Variants in CDYL2 observed in about 807,000 individuals in gnomAD.
CDYL2 encodes the protein chromodomain Y-like protein 2.
In CDYL2, 23 loss-of-function variants were observed where a neutral mutation model predicts 49.4. The observed-to-expected ratio is 0.47, with a 90% confidence interval of 0.34 to 0.66. The LOEUF (loss-of-function observed/expected upper bound fraction) is 0.66, where lower values mean the gene tolerates loss of function less well. CDYL2 is among the 30% of genes least tolerant of loss of function. The pLI is 0.01. For synonymous variants in CDYL2, 360 were observed against 268.8 expected (o/e 1.34, Z -3.32); for missense variants, 678 against 656.4 (o/e 1.03, Z -0.36).
At chr16:80,702,742 C>T (rs532815681) in intron 1 of CDYL2, among the ~76,000 whole-genome samples, 1 of 152,198 alleles carries the variant, frequency 6.6e-6, no homozygotes, top group South Asian at 2.1e-4. Context: ...AGAGTAAGAC[C>T]CTGTGGACAG....
intron 1 of CDYL2, among the ~76,000 whole-genome samples, chr16:80,718,143 TAA>T (rs1165745886): frequency 3.3e-5 from 5 of 152,204 alleles, no homozygotes; most frequent in Non-Finnish European, 7.3e-5. Flanking sequence ...GAACAAAACC[TAA>T]GACTGTCTCC....
At chr16:80,642,728 C>A (rs975844452) in intron 2 of CDYL2, among the ~76,000 whole-genome samples, 2 of 152,008 alleles carry the variant, frequency 1.3e-5, no homozygotes, top group African/African-American at 4.8e-5. Context: ...AAGTGGAAAC[C>A]CTTGATAAAA....
At chr16:80,698,507 T>G (rs938598655) in intron 1 of CDYL2, among the ~76,000 whole-genome samples, 3 of 152,250 alleles carry the variant, frequency 2.0e-5, no homozygotes, top group Admixed American at 2.0e-4. Context: ...GTGATACGGT[T>G]TGGATCTGTG....
chr16:80,754,392 C>T (rs1906238389), intron 1 of CDYL2, among the ~76,000 whole-genome samples: 1 of 152,184 alleles, frequency 6.6e-6, no homozygotes, highest in South Asian at 2.1e-4. Context: ...AAGCCACAAG[C>T]AAAGGCCACC....
chr16:80,743,359 A>G (rs930390465), intron 1 of CDYL2, among the ~76,000 whole-genome samples: 12 of 152,348 alleles, frequency 7.9e-5, no homozygotes, highest in African/African-American at 2.9e-4. Context: ...AATAGAGAGA[A>G]TTCAAAAGAA....
chr16:80,609,525 G>A (rs1027367656), intron 5 of CDYL2, among the ~76,000 whole-genome samples: 2 of 152,206 alleles, frequency 1.3e-5, no homozygotes, highest in African/African-American at 4.8e-5. Context: ...CTTGGTTCAA[G>A]ATTTGAACAC....
intron 1 of CDYL2, among the ~76,000 whole-genome samples, chr16:80,795,720 T>C (rs977159240): frequency 6.6e-6 from 1 of 152,078 alleles, no homozygotes; most frequent in South Asian, 2.1e-4. Context: ...ATGCCTGCCA[T>C]CCTGAGCACT....
intron 1 of CDYL2, among the ~76,000 whole-genome samples, chr16:80,727,742 C>T (rs995245575): frequency 2.6e-5 from 4 of 152,170 alleles, no homozygotes; most frequent in Non-Finnish European, 5.9e-5. Context: ...CAGCACGCAG[C>T]GGGAGATCTG....
At chr16:80,757,551 A>ATATATAT (rs201231531) in intron 1 of CDYL2, among the ~76,000 whole-genome samples, 12 of 145,462 alleles carry the variant, frequency 8.2e-5, no homozygotes, top group African/African-American at 3.2e-4. Flanking sequence ...AAAAAAAAAA[A>ATATATAT]AAATATATAT....
intron 1 of CDYL2, among the ~76,000 whole-genome samples, chr16:80,721,442 T>C (rs1904995242): frequency 6.6e-6 from 1 of 152,076 alleles, no homozygotes; most frequent in Non-Finnish European, 1.5e-5. Context: ...GGCAGCAAAA[T>C]AGTATCAGAT....
chr16:80,599,442 T>G lies in CDYL2; in HGVS notation c.*4946A>C, dbSNP rs766448576. 1 of 152,228 alleles carries G rather than the reference T, an allele frequency of 6.6e-6. No individual in the cohort carries two copies. The highest frequency in any genetic ancestry group is 1.5e-5 in the Non-Finnish European group (1 of 68,032). The allele number at this position is 152,228 out of a possible 1,614,324, so 9.4% of individuals were successfully genotyped here. A position where few individuals can be genotyped will look rare whatever the true frequency, so the allele number is the denominator to read the frequency against. ...TACACTGTCAAGGAGCTCCATGATT[T>G]ATGTTCTAGAAAAACAGTCCTGGAT... On this transcript the variant is annotated 3_prime_UTR_variant, in exon 7 of 7. Coordinates refer to ENST00000570137, the MANE Select transcript of CDYL2 (RefSeq NM_152342.4).
chr16:80,635,972 C>T (rs1454697446), intron 2 of CDYL2, among the ~76,000 whole-genome samples: 4 of 152,128 alleles, frequency 2.6e-5, no homozygotes, highest in East Asian at 1.9e-4. Context: ...GAAAGGATTC[C>T]CTATTTAATA....
chr16:80,682,469 A>T (rs1343694304), intron 2 of CDYL2, among the ~76,000 whole-genome samples: 1 of 152,210 alleles, frequency 6.6e-6, no homozygotes, highest in Non-Finnish European at 1.5e-5. Flanking sequence ...TGAAGAGCAC[A>T]GAGCTCGCAG....
intron 1 of CDYL2, among the ~76,000 whole-genome samples, chr16:80,772,224 A>G (rs1286579852): frequency 2.0e-5 from 3 of 152,226 alleles, no homozygotes; most frequent in African/African-American, 4.8e-5. Flanking sequence ...GTAATAAAAA[A>G]GAGTGTTTTT....
chr16:80,757,503 C>T (rs1306806450), intron 1 of CDYL2, among the ~76,000 whole-genome samples: 2 of 146,460 alleles, frequency 1.4e-5, no homozygotes, highest in Non-Finnish European at 3.0e-5. Flanking sequence ...CATTCTACTG[C>T]ATTCCAGCCT....
chr16:80,789,399 A>T (rs576453305), intron 1 of CDYL2, among the ~76,000 whole-genome samples: 1 of 152,284 alleles, frequency 6.6e-6, no homozygotes, highest in East Asian at 1.9e-4. Flanking sequence ...CAGGAGTTCA[A>T]GACCAGCCTG....
chr16:80,779,191 C>A (rs539008012), intron 1 of CDYL2, among the ~76,000 whole-genome samples: 1 of 152,044 alleles, frequency 6.6e-6, no homozygotes, highest in Non-Finnish European at 1.5e-5. Flanking sequence ...TTAAATTACT[C>A]TCCTTTAAAA....
rs572951901 is a variant in CDYL2 at position 80,718,574 on chromosome 16, G to T, written c.25-33445C>A. Among the ~76,000 whole-genome samples, 30 of 152,304 alleles carry T rather than the reference G, an allele frequency of 2.0e-4. No homozygotes were observed. In the South Asian group the frequency reaches 6.2e-3, roughly 32 times the overall value. Reference sequence around the variant, plus strand: ...GAGCTGATTTACTGCTCCGTGACAAGGCAAGCTGGATGGCAGCCAGGCTCA... The same window carrying T: ...GAGCTGATTTACTGCTCCGTGACAATGCAAGCTGGATGGCAGCCAGGCTCA... On this transcript the variant is annotated intron_variant, in intron 1 of 6. Coordinates refer to ENST00000570137, the MANE Select transcript of CDYL2 (RefSeq NM_152342.4).
intron 2 of CDYL2, among the ~76,000 whole-genome samples, chr16:80,648,902 T>C (rs1048372029): frequency 2.0e-5 from 3 of 152,158 alleles, no homozygotes; most frequent in Non-Finnish European, 4.4e-5. Flanking sequence ...AACCATATGA[T>C]TATTTCAATT....
Sources: allele counts gnomAD v4.1 joint callset (sites outside exome capture counted in the v4.1 genomes callset), GRCh38; gene constraint gnomAD v4.1.1; transcripts MANE v1.5; gene names NCBI Gene and HGNC (gene_info 2026-07-23, HGNC 2026-07-21).